Variants in HS3ST4 observed in about 807,000 individuals in gnomAD.
HS3ST4 encodes heparan sulfate glucosamine 3-O-sulfotransferase 4.
HS3ST4 carries 17 observed loss-of-function variants against 29.2 expected under a neutral mutation model. The ratio of observed to expected loss-of-function variants is 0.58; its 90% CI spans 0.40 to 0.87. The LOEUF is 0.87. HS3ST4 is among the 40% of genes least tolerant of loss of function. HS3ST4 has a pLI of 0.00. For missense variants in HS3ST4, 627 were observed against 634.5 expected, an observed-to-expected ratio of 0.99 and a Z score of 0.13; for synonymous variants, 314 against 285.7, an observed-to-expected ratio of 1.10 and a Z score of -1.00.
rs139869388 is a variant in HS3ST4 at position 25,937,460 on chromosome 16, G to A, written c.735-198152G>A. The stretch of plus-strand genomic sequence containing the variant: ...GACTCCTACGTGATCTTATTTACCT[G>A]TAGTGGTTGGTTGTAGCAAAGAAAG... On this transcript the variant is annotated intron_variant, in intron 1 of 1. Transcript: ENST00000331351. Among the ~76,000 whole-genome samples, 46 of 152,264 alleles carry A rather than the reference G, an allele frequency of 3.0e-4. No homozygotes were observed. The East Asian group carries it at 7.7e-3, about 26-fold the overall frequency.
At chr16:25,903,364 C>G (rs80050090) in intron 1 of HS3ST4, among the ~76,000 whole-genome samples, 1 of 62,766 alleles carries the variant, frequency 1.6e-5, no homozygotes, top group South Asian at 5.6e-4. Flanking sequence ...ATATGTATAT[C>G]TTATATATAT....
intron 1 of HS3ST4, among the ~76,000 whole-genome samples, chr16:26,024,815 AG>A (rs2141749309): frequency 6.6e-6 from 1 of 152,320 alleles, no homozygotes; most frequent in East Asian, 1.9e-4. Flanking sequence ...TTCCAGCCTT[AG>A]CCAAATTGAC....
chr16:25,694,977 G>A (rs1237000387), intron 1 of HS3ST4, among the ~76,000 whole-genome samples: 1 of 152,054 alleles, frequency 6.6e-6, no homozygotes, highest in Admixed American at 6.5e-5. Context: ...CTTATCACTG[G>A]GTCTGGAGAG....
chr16:26,053,825 T>A (rs1453392988), intron 1 of HS3ST4, among the ~76,000 whole-genome samples: 1 of 152,186 alleles, frequency 6.6e-6, no homozygotes, highest in Non-Finnish European at 1.5e-5. Context: ...AATACCACCA[T>A]TTTGTGGTGG....
intron 1 of HS3ST4, among the ~76,000 whole-genome samples, chr16:26,070,325 T>C (rs1457043634): frequency 6.6e-6 from 1 of 152,236 alleles, no homozygotes; most frequent in Non-Finnish European, 1.5e-5. Context: ...GAGCATTTTT[T>C]CATGTGTCTG....
At chr16:25,720,120 G>A (rs1966482983) in intron 1 of HS3ST4, among the ~76,000 whole-genome samples, 2 of 152,208 alleles carry the variant, frequency 1.3e-5, no homozygotes, top group Non-Finnish European at 2.9e-5. Flanking sequence ...AAAGAATGTA[G>A]TTAGGGGAGG....
At chr16:25,862,163 A>ATATTCATT (rs1967644046) in intron 1 of HS3ST4, among the ~76,000 whole-genome samples, 1 of 144,704 alleles carries the variant, frequency 6.9e-6, no homozygotes, top group East Asian at 2.0e-4. Context: ...ATTTATTTAC[A>ATATTCATT]TATTTATTTA....
At chr16:25,803,704 A>C (rs75301536) in intron 1 of HS3ST4, among the ~76,000 whole-genome samples, 4,572 of 152,154 alleles carry the variant, frequency 0.03, 244 homozygotes, top group African/African-American at 0.11. Flanking sequence ...TTCAAATATT[A>C]AATTCCTGGG....
chr16:25,964,415 G>A (rs1055825106), intron 1 of HS3ST4, among the ~76,000 whole-genome samples: 3 of 152,046 alleles, frequency 2.0e-5, no homozygotes, highest in African/African-American at 7.2e-5. Flanking sequence ...ATAAAAATAT[G>A]TCCCAAACCC....
At chr16:26,049,515 G>GA (rs1446705028) in intron 1 of HS3ST4, among the ~76,000 whole-genome samples, 3 of 150,496 alleles carry the variant, frequency 2.0e-5, no homozygotes, top group African/African-American at 7.4e-5. Flanking sequence ...TCCTTGAGCG[G>GA]AAAAACACAG....
At chr16:25,908,552 ACATTGTC>A (rs1968202532) in intron 1 of HS3ST4, among the ~76,000 whole-genome samples, 1 of 152,164 alleles carries the variant, frequency 6.6e-6, no homozygotes, top group Non-Finnish European at 1.5e-5. Flanking sequence ...AATACTCTTT[ACATTGTC>A]CAGTGAGGAA....
chr16:26,051,843 TTCTC>T (rs1358110326), intron 1 of HS3ST4, among the ~76,000 whole-genome samples: 1 of 143,562 alleles, frequency 7.0e-6, no homozygotes, highest in Non-Finnish European at 1.5e-5. Context: ...TCCCGTCTCT[TTCTC>T]TCTTTCTTTT....
chr16:25,917,676 T>G (rs1355832367), intron 1 of HS3ST4, among the ~76,000 whole-genome samples: 2 of 152,214 alleles, frequency 1.3e-5, no homozygotes, highest in African/African-American at 4.8e-5. Flanking sequence ...CTGATCTCAC[T>G]GACAGACAAG....
intron 1 of HS3ST4, among the ~76,000 whole-genome samples, chr16:26,040,683 A>G (rs1969630006): frequency 1.3e-5 from 2 of 151,906 alleles, no homozygotes; most frequent in Admixed American, 1.3e-4. Flanking sequence ...CATTAACCTC[A>G]GGTTCTCCCT....
At chr16:25,996,078 A>T (rs1187206898) in intron 1 of HS3ST4, among the ~76,000 whole-genome samples, 1 of 152,098 alleles carries the variant, frequency 6.6e-6, no homozygotes, top group Non-Finnish European at 1.5e-5. Context: ...AATACAGGAA[A>T]TTCTTTCCTT....
intron 1 of HS3ST4, among the ~76,000 whole-genome samples, chr16:25,910,510 G>A (rs558611885): frequency 1.4e-4 from 21 of 152,150 alleles, no homozygotes; most frequent in African/African-American, 4.3e-4. Context: ...AGGTGTGGTG[G>A]TGGGTGCCTG....
At chr16:25,808,546 G>C (rs1967011229) in intron 1 of HS3ST4, among the ~76,000 whole-genome samples, 1 of 152,072 alleles carries the variant, frequency 6.6e-6, no homozygotes, top group South Asian at 2.1e-4. Context: ...AAAGTGAATG[G>C]ATTACTCTCC....
chr16:26,134,682 TA>T (rs1898257500), intron 1 of HS3ST4, among the ~76,000 whole-genome samples: 5 of 152,224 alleles, frequency 3.3e-5, no homozygotes, highest in African/African-American at 1.2e-4. Context: ...GGCTCGAAGA[TA>T]TAATTCAATT....
intron 1 of HS3ST4, among the ~76,000 whole-genome samples, chr16:25,712,212 T>C (rs981057719): frequency 1.3e-5 from 2 of 151,792 alleles, no homozygotes; most frequent in African/African-American, 4.8e-5. Flanking sequence ...ATTATAGAAA[T>C]AAATTGCAGG....
Sources: gnomAD v4.1 joint callset for allele counts (sites outside exome capture counted in the v4.1 genomes callset) on GRCh38, gnomAD v4.1.1 for gene constraint, MANE v1.5 for transcripts, NCBI Gene and HGNC (gene_info 2026-07-23, HGNC 2026-07-21) for gene names.